FBXL17: variants seen among roughly 807,000 people sequenced by gnomAD.
FBXL17 encodes F-box/LRR-repeat protein 17.
In FBXL17, 22 loss-of-function variants were observed where a neutral mutation model predicts 66.2. That is an observed-to-expected ratio of 0.33 (90% CI 0.24 to 0.47). FBXL17 has a LOEUF of 0.47. Ranked by LOEUF, FBXL17 falls within the 20% of genes least tolerant of loss-of-function variation. The pLI is 1.00. For missense variants in FBXL17, 878 were observed against 948.2 expected, an observed-to-expected ratio of 0.93 and a Z score of 0.97; for synonymous variants, 474 against 400.5, an observed-to-expected ratio of 1.18 and a Z score of -2.19.
intron 4 of FBXL17, among the ~76,000 whole-genome samples, chr5:108,234,319 GC>G (rs1755500352): frequency 2.0e-5 from 3 of 152,116 alleles, no homozygotes; most frequent in African/African-American, 4.8e-5. Context: ...CTTAACGTGT[GC>G]CCAGCTAAGT....
chr5:108,087,551 T>C (rs573017207), intron 6 of FBXL17, among the ~76,000 whole-genome samples: 5 of 152,144 alleles, frequency 3.3e-5, no homozygotes, highest in Admixed American at 3.3e-4. Flanking sequence ...ATCCTCCTTC[T>C]TTCATACTTT....
chr5:108,177,790 AG>A (rs1336660920), intron 6 of FBXL17, among the ~76,000 whole-genome samples: 1 of 151,728 alleles, frequency 6.6e-6, no homozygotes. Context: ...TTCCTTCCTC[AG>A]GGTTGTTGTA....
intron 4 of FBXL17, among the ~76,000 whole-genome samples, chr5:108,258,296 G>T (rs1756663181): frequency 6.6e-6 from 1 of 152,128 alleles, no homozygotes; most frequent in Admixed American, 6.5e-5. Flanking sequence ...GCCAGACCTT[G>T]ATCTTGGACT....
chr5:108,346,651 T>A (rs1747301969), intron 4 of FBXL17, among the ~76,000 whole-genome samples: 1 of 152,152 alleles, frequency 6.6e-6, no homozygotes, highest in Non-Finnish European at 1.5e-5. Flanking sequence ...AATACAGTTG[T>A]GATGCCATAA....
At chr5:108,018,622 C>T in intron 7 of FBXL17, among the ~76,000 whole-genome samples, 1 of 152,108 alleles carries the variant, frequency 6.6e-6, no homozygotes, top group East Asian at 1.9e-4. Context: ...CAAAAACTTT[C>T]ACCATGAACC....
At chr5:107,868,846 T>C (rs1420095933) in intron 8 of FBXL17, among the ~76,000 whole-genome samples, 1 of 152,044 alleles carries the variant, frequency 6.6e-6, no homozygotes, top group Non-Finnish European at 1.5e-5. Flanking sequence ...ATGCACAAAA[T>C]ATGCACATAT....
intron 7 of FBXL17, among the ~76,000 whole-genome samples, chr5:107,990,821 T>C (rs950225629): frequency 9.2e-5 from 14 of 152,164 alleles, no homozygotes; most frequent in Admixed American, 7.2e-4. Context: ...TGGTGTCTTG[T>C]GTATGTATCT....
At chr5:108,224,933 A>G (rs958000825) in intron 4 of FBXL17, among the ~76,000 whole-genome samples, 6 of 152,164 alleles carry the variant, frequency 3.9e-5, no homozygotes, top group Middle Eastern at 3.4e-3. Flanking sequence ...CAACCAATAT[A>G]TATTTTTTTA....
At chr5:108,170,254 T>G (rs964697485) in intron 6 of FBXL17, among the ~76,000 whole-genome samples, 28 of 152,090 alleles carry the variant, frequency 1.8e-4, no homozygotes, top group African/African-American at 6.3e-4. Flanking sequence ...AATACCATAA[T>G]AAATCATGGA....
intron 6 of FBXL17, among the ~76,000 whole-genome samples, chr5:108,073,622 A>AT (rs1289360534): frequency 6.6e-6 from 1 of 152,246 alleles, no homozygotes; most frequent in Non-Finnish European, 1.5e-5. Context: ...TAAGACAAAC[A>AT]TAACGAGGCT....
intron 5 of FBXL17, among the ~76,000 whole-genome samples, chr5:108,216,971 C>T (rs979666154): frequency 5.3e-5 from 8 of 152,186 alleles, no homozygotes; most frequent in African/African-American, 1.9e-4. Context: ...AAAGTTTCTT[C>T]TCCTTTTGTG....
intron 7 of FBXL17, among the ~76,000 whole-genome samples, chr5:107,903,384 C>G (rs577560708): frequency 6.6e-6 from 1 of 152,130 alleles, no homozygotes; most frequent in Non-Finnish European, 1.5e-5. Context: ...GAAACAGTAT[C>G]TCATCCTCAC....
intron 6 of FBXL17, among the ~76,000 whole-genome samples, chr5:108,103,574 C>G (rs1020768565): frequency 1.3e-5 from 2 of 151,474 alleles, no homozygotes; most frequent in Non-Finnish European, 2.9e-5. Flanking sequence ...AAATATATGT[C>G]AAACAAAAAA....
intron 7 of FBXL17, among the ~76,000 whole-genome samples, chr5:107,925,367 G>T (rs1434019617): frequency 6.6e-6 from 1 of 152,126 alleles, no homozygotes; most frequent in Non-Finnish European, 1.5e-5. Context: ...TGTAGTTTTT[G>T]GGTGAAGATC....
At chr5:108,183,760 C>T (rs942267659) in intron 6 of FBXL17, among the ~76,000 whole-genome samples, 5 of 152,070 alleles carry the variant, frequency 3.3e-5, no homozygotes, top group African/African-American at 7.2e-5. Flanking sequence ...TTATACCACT[C>T]TATATGCCAT....
chr5:107,978,254 A>T (rs892338599), intron 7 of FBXL17, among the ~76,000 whole-genome samples: 8 of 152,176 alleles, frequency 5.3e-5, no homozygotes, highest in African/African-American at 1.4e-4. Flanking sequence ...ATGTAGGCTA[A>T]GCTAATAATG....
intron 4 of FBXL17, among the ~76,000 whole-genome samples, chr5:108,335,584 A>C (rs75964952): frequency 1.3e-3 from 197 of 152,278 alleles, no homozygotes; most frequent in African/African-American, 4.7e-3. Flanking sequence ...GTATGCCTTA[A>C]CAGAAAGGGG....
At chr5:107,993,221 T>A (rs2112697689) in intron 7 of FBXL17, among the ~76,000 whole-genome samples, 1 of 152,280 alleles carries the variant, frequency 6.6e-6, no homozygotes, top group African/African-American at 2.4e-5. Context: ...GTCCTATCAC[T>A]TGTACTTTTC....
At chr5:108,176,566 G>A (rs550095826) in intron 6 of FBXL17, among the ~76,000 whole-genome samples, 245 of 152,154 alleles carry the variant, frequency 1.6e-3, no homozygotes, top group Middle Eastern at 3.4e-3. Flanking sequence ...TCAACATGGA[G>A]AATCAATAAG....
Sources: allele counts gnomAD v4.1 joint callset (sites outside exome capture counted in the v4.1 genomes callset), GRCh38; gene constraint gnomAD v4.1.1; transcripts MANE v1.5; gene names NCBI Gene and HGNC (gene_info 2026-07-23, HGNC 2026-07-21).